Variants in ASPH observed in about 807,000 individuals in gnomAD.
The protein encoded by ASPH is aspartate beta-hydroxylase, also known as aspartyl/asparaginyl beta-hydroxylase.
A neutral mutation model predicts 118.4 loss-of-function variants in ASPH; 100 were observed. The observed-to-expected ratio is 0.84, with a 90% confidence interval of 0.72 to 1.00. The LOEUF (loss-of-function observed/expected upper bound fraction) is 1.00. ASPH is among the 50% of genes least tolerant of loss of function. The probability of loss-of-function intolerance (pLI) is 0.00; values close to 1 mark genes in which losing one functional copy is unlikely to be tolerated. For synonymous variants in ASPH, 315 were observed against 325.6 expected (o/e 0.97, Z 0.35); for missense variants, 920 against 919.5 (o/e 1.00, Z -0.01).
At chr8:61,586,011 C>T (rs7015954) in intron 14 of ASPH, among the ~76,000 whole-genome samples, 127,995 of 152,214 alleles carry the variant, frequency 0.84, 54,039 homozygotes, top group Non-Finnish European at 0.88. Context: ...ATAATGGCTA[C>T]GGCTTTCTGC....
chr8:61,575,594 T>G (rs1240552349), intron 16 of ASPH, among the ~76,000 whole-genome samples: 1 of 152,182 alleles, frequency 6.6e-6, no homozygotes, highest in East Asian at 1.9e-4. Context: ...CACAGTGGGC[T>G]TTCACCAAAT....
At chr8:61,683,959 G>C in intron 2 of ASPH, 80 bp downstream of exon 2, 1 of 1,490,070 alleles carries the variant, frequency 6.7e-7, no homozygotes, top group Non-Finnish European at 9.2e-7. Flanking sequence ...GTACCAGAAA[G>C]ATGATAACAA....
At chr8:61,583,551 A>G (rs1838291580) in intron 15 of ASPH, 1 of 161,262 alleles carries the variant, frequency 6.2e-6, no homozygotes, top group Admixed American at 6.5e-5. Context: ...CAAAAAAAAA[A>G]AAAAAAAAAT....
intron 21 of ASPH, among the ~76,000 whole-genome samples, chr8:61,540,555 C>T (rs1821467941): frequency 6.6e-6 from 1 of 152,152 alleles, no homozygotes; most frequent in Non-Finnish European, 1.5e-5. Flanking sequence ...TTATAAACTA[C>T]CCAGTCTCAG....
At chr8:61,693,495 T>C (rs1833179954) in intron 1 of ASPH, among the ~76,000 whole-genome samples, 2 of 152,078 alleles carry the variant, frequency 1.3e-5, no homozygotes, top group East Asian at 3.9e-4. Flanking sequence ...CAGGAGAGAA[T>C]TATAACATTT....
At chr8:61,607,933 G>A (rs1365124379) in intron 14 of ASPH, among the ~76,000 whole-genome samples, 1 of 152,202 alleles carries the variant, frequency 6.6e-6, no homozygotes, top group East Asian at 1.9e-4. Flanking sequence ...ACTCTCAGCT[G>A]CTGAAATCAG....
intron 21 of ASPH, among the ~76,000 whole-genome samples, chr8:61,537,883 A>G (rs960828269): frequency 4.6e-5 from 7 of 152,018 alleles, no homozygotes; most frequent in African/African-American, 1.7e-4. Context: ...TGCTTTCAGA[A>G]AAAAAAAGCC....
At chr8:61,509,781 A>G (rs909939394) in intron 24 of ASPH, among the ~76,000 whole-genome samples, 24 of 152,054 alleles carry the variant, frequency 1.6e-4, no homozygotes, top group Admixed American at 1.5e-3. Flanking sequence ...GCACAGAGAG[A>G]AAAAGGAGAG....
intron 14 of ASPH, among the ~76,000 whole-genome samples, chr8:61,611,637 G>A (rs1029560855): frequency 1.3e-5 from 2 of 152,170 alleles, no homozygotes; most frequent in African/African-American, 4.8e-5. Flanking sequence ...ACTTGGGGTT[G>A]GCCAGGCAAC....
chr8:61,506,411 A>T (rs1483012466), intron 24 of ASPH, among the ~76,000 whole-genome samples: 1 of 152,230 alleles, frequency 6.6e-6, no homozygotes, highest in African/African-American at 2.4e-5. Flanking sequence ...GTTGATGGTT[A>T]TACAATATGG....
Position 61,522,795 on chromosome 8 carries a change from C to T in ASPH, c.1900+3182G>A, listed in dbSNP as rs574852252. On this transcript the variant is annotated intron_variant, in intron 22 of 24. Coordinates refer to ENST00000379454, the MANE Select transcript of ASPH (RefSeq NM_004318.4). ...TAAATTACCTAGTGTTTCTTCATAG[C>T]AGTGTGAGAACAGACTAACACACCC... 1.3e-4 allele frequency among the ~76,000 whole-genome samples: 20 copies of T among 152,272 alleles called. No homozygotes were observed. The South Asian group carries it at 3.3e-3, about 25-fold the overall frequency.
chr8:61,542,107 T>C (rs1393015599), intron 21 of ASPH, among the ~76,000 whole-genome samples: 1 of 152,232 alleles, frequency 6.6e-6, no homozygotes, highest in Non-Finnish European at 1.5e-5. Flanking sequence ...TTTTATGGCC[T>C]AGTGTATAGT....
At chr8:61,689,529 T>A in intron 1 of ASPH, 3 of 700,382 alleles carry the variant, frequency 4.3e-6, no homozygotes, top group Non-Finnish European at 7.0e-6. Context: ...AAAGTCAGTA[T>A]CTCCAGGAGT....
intron 1 of ASPH, among the ~76,000 whole-genome samples, chr8:61,710,268 C>T (rs1278215578): frequency 6.6e-6 from 1 of 152,192 alleles, no homozygotes; most frequent in Non-Finnish European, 1.5e-5. Context: ...TCATCATATT[C>T]CTTCTCCCAA....
At chr8:61,511,585 C>G (rs185361704) in intron 24 of ASPH, among the ~76,000 whole-genome samples, 10 of 152,118 alleles carry the variant, frequency 6.6e-5, no homozygotes, top group African/African-American at 2.4e-4. Context: ...TACTCAGCTC[C>G]GGATCAAAAT....
intron 3 of ASPH, among the ~76,000 whole-genome samples, chr8:61,655,849 G>T (rs1813404077): frequency 6.6e-6 from 1 of 151,988 alleles, no homozygotes; most frequent in Admixed American, 6.6e-5. Flanking sequence ...TATGAAATCA[G>T]TACAAAAAAA....
At chr8:61,567,128 T>C in intron 17 of ASPH, 40 bp downstream of exon 17, 2 of 1,602,574 alleles carry the variant, frequency 1.2e-6, no homozygotes, top group Non-Finnish European at 1.7e-6. Flanking sequence ...AGATAAAACA[T>C]ATGCCATTTC....
chr8:61,707,631 G>C (rs944708340), intron 1 of ASPH, among the ~76,000 whole-genome samples: 2 of 152,176 alleles, frequency 1.3e-5, no homozygotes, highest in African/African-American at 4.8e-5. Flanking sequence ...TGCATGGGGA[G>C]AGATAGGCAC....
chr8:61,707,782 A>T (rs573038781), intron 1 of ASPH, among the ~76,000 whole-genome samples: 10 of 152,342 alleles, frequency 6.6e-5, no homozygotes, highest in Admixed American at 5.9e-4. Flanking sequence ...ATTTCAAACA[A>T]ATGCTGTCAA....
Sources: allele counts gnomAD v4.1 joint callset (sites outside exome capture counted in the v4.1 genomes callset), GRCh38; gene constraint gnomAD v4.1.1; transcripts MANE v1.5; gene names NCBI Gene and HGNC (gene_info 2026-07-23, HGNC 2026-07-21).